Variants in WDR7 observed in about 807,000 individuals in gnomAD.
WDR7 encodes the protein WD repeat-containing protein 7.
WDR7 carries 46 observed loss-of-function variants against 169.4 expected under a neutral mutation model. The ratio of observed to expected loss-of-function variants is 0.27; its 90% CI spans 0.21 to 0.35. The LOEUF is 0.35. Ranked by LOEUF, WDR7 falls within the 10% of genes least tolerant of loss-of-function variation. The pLI is 1.00. For missense variants in WDR7, 1,534 were observed against 1,859.3 expected, an observed-to-expected ratio of 0.83 and a Z score of 3.22; for synonymous variants, 612 against 666.8, an observed-to-expected ratio of 0.92 and a Z score of 1.27.
At chr18:56,985,225 T>A (rs899152446) in intron 26 of WDR7, among the ~76,000 whole-genome samples, 1 of 152,180 alleles carries the variant, frequency 6.6e-6, no homozygotes, top group Non-Finnish European at 1.5e-5. Flanking sequence ...GCTAAATTTT[T>A]ATTGTCTTAA....
chr18:56,886,635 T>A (rs2046200768), intron 21 of WDR7, among the ~76,000 whole-genome samples: 1 of 152,130 alleles, frequency 6.6e-6, no homozygotes, highest in South Asian at 2.1e-4. Context: ...AGTACTAACA[T>A]TGAATGTAAA....
intron 12 of WDR7, chr18:56,699,683 T>C (rs2025780756): frequency 8.2e-6 from 2 of 244,200 alleles, no homozygotes; most frequent in South Asian, 1.5e-4. Context: ...TGTACAAAGC[T>C]GATGATTTCT....
chr18:56,769,184 A>T (rs2044113957), intron 16 of WDR7, among the ~76,000 whole-genome samples: 1 of 150,946 alleles, frequency 6.6e-6, no homozygotes, highest in Non-Finnish European at 1.5e-5. Context: ...TGGTAAATAT[A>T]GCTGTAAGTC....
At chr18:56,888,511 C>T (rs2046226520) in intron 21 of WDR7, among the ~76,000 whole-genome samples, 1 of 152,234 alleles carries the variant, frequency 6.6e-6, no homozygotes, top group East Asian at 1.9e-4. Context: ...TCTCCTTCAT[C>T]ACCTTCCGAT....
chr18:56,974,362 CT>C (rs34901751), intron 26 of WDR7, among the ~76,000 whole-genome samples: 7,474 of 111,632 alleles, frequency 0.067, 116 homozygotes, highest in African/African-American at 0.078. Flanking sequence ...GCTTTTCTTG[CT>C]TTTTTTTTTT....
intron 26 of WDR7, among the ~76,000 whole-genome samples, chr18:56,993,521 A>G (rs1461605889): frequency 6.6e-6 from 1 of 151,358 alleles, no homozygotes. Flanking sequence ...CGTCGTGTCT[A>G]GGGTAAAGGC....
chr18:56,687,765 T>C (rs576629483), intron 7 of WDR7, among the ~76,000 whole-genome samples: 36 of 152,296 alleles, frequency 2.4e-4, no homozygotes, highest in African/African-American at 8.2e-4. Flanking sequence ...TTGCTAGGAC[T>C]ACAGGCACGC....
At chr18:56,723,708 G>C (rs760745124) in intron 13 of WDR7, among the ~76,000 whole-genome samples, 1 of 151,868 alleles carries the variant, frequency 6.6e-6, no homozygotes, top group Non-Finnish European at 1.5e-5. Flanking sequence ...ATACTTATTG[G>C]ATCCGTGGCT....
chr18:56,866,856 C>G (rs1040250918), intron 20 of WDR7, among the ~76,000 whole-genome samples: 1 of 152,084 alleles, frequency 6.6e-6, no homozygotes, highest in African/African-American at 2.4e-5. Context: ...AGAGAAGAAT[C>G]TGAGCATTTC....
intron 26 of WDR7, among the ~76,000 whole-genome samples, chr18:57,010,882 G>T (rs2048126200): frequency 6.6e-6 from 1 of 152,086 alleles, no homozygotes; most frequent in South Asian, 2.1e-4. Flanking sequence ...TAAATCGAAG[G>T]GAAAATGCTC....
chr18:56,878,134 A>G (rs1486974050), intron 20 of WDR7, among the ~76,000 whole-genome samples: 2 of 152,240 alleles, frequency 1.3e-5, no homozygotes, highest in African/African-American at 4.8e-5. Flanking sequence ...AGGAAATTTT[A>G]AGAAGTAACA....
intron 19 of WDR7, among the ~76,000 whole-genome samples, chr18:56,791,769 G>A (rs1215677159): frequency 1.3e-5 from 2 of 152,114 alleles, no homozygotes; most frequent in Non-Finnish European, 2.9e-5. Context: ...ATTTAGAAGT[G>A]GATGCATACT....
rs1360131732 is a variant in WDR7, at chr18:56,999,592, A to G, written c.4165-21153A>G. ...AGTCCTTGAAAAATCTCTAGAAAAA[A>G]GGGTGGTGGGCACTTATCAAGGAAA... On this transcript the variant is annotated intron_variant, in intron 26 of 27. Transcript: ENST00000254442. 2.6e-5 allele frequency among the ~76,000 whole-genome samples: 4 copies of G among 152,140 alleles called. No homozygotes were observed. In the East Asian group the frequency reaches 7.7e-4, roughly 29 times the overall value.
At chr18:56,813,972 G>A (rs148747471) in intron 19 of WDR7, among the ~76,000 whole-genome samples, 97 of 152,254 alleles carry the variant, frequency 6.4e-4, no homozygotes, top group African/African-American at 2.3e-3. Context: ...TCAGTATTGT[G>A]TGATTCTGTG....
At chr18:56,749,706 ATAAG>A (rs962709571) in intron 14 of WDR7, among the ~76,000 whole-genome samples, 38 of 152,108 alleles carry the variant, frequency 2.5e-4, no homozygotes, top group African/African-American at 8.7e-4. Flanking sequence ...TGATTCTGAA[ATAAG>A]TAAGCTTTGA....
At chr18:56,758,372 A>G (rs1459723179) in intron 15 of WDR7, among the ~76,000 whole-genome samples, 2 of 152,216 alleles carry the variant, frequency 1.3e-5, no homozygotes, top group Non-Finnish European at 2.9e-5. Context: ...ACTGAGACAC[A>G]GAGAGATGAT....
chr18:56,942,889 A>ATAT (rs558113188), intron 25 of WDR7, among the ~76,000 whole-genome samples: 1 of 152,248 alleles, frequency 6.6e-6, no homozygotes, highest in African/African-American at 2.4e-5. Flanking sequence ...AGTTATGTAG[A>ATAT]TATTATTAAG....
intron 25 of WDR7, among the ~76,000 whole-genome samples, chr18:56,952,217 G>A (rs1024254576): frequency 6.6e-6 from 1 of 152,274 alleles, no homozygotes; most frequent in Non-Finnish European, 1.5e-5. Flanking sequence ...GTGAGACAGC[G>A]AATTCCAGGT....
chr18:56,663,688 G>A (rs140687442), intron 1 of WDR7, among the ~76,000 whole-genome samples: 76 of 122,838 alleles, frequency 6.2e-4, no homozygotes, highest in African/African-American at 1.8e-3. Context: ...TATATGCACA[G>A]CATATATGTA....
Sources: gnomAD v4.1 joint callset for allele counts (sites outside exome capture counted in the v4.1 genomes callset) on GRCh38, gnomAD v4.1.1 for gene constraint, MANE v1.5 for transcripts, NCBI Gene and HGNC (gene_info 2026-07-23, HGNC 2026-07-21) for gene names.